Variants in XKR4 observed in about 807,000 individuals in gnomAD.
The protein encoded by XKR4 is XK-related protein 4.
XKR4 carries 12 observed loss-of-function variants against 53.9 expected under a neutral mutation model. The ratio of observed to expected loss-of-function variants is 0.22; its 90% CI spans 0.14 to 0.36. XKR4 has a LOEUF of 0.36. XKR4 is among the 10% of genes least tolerant of loss of function. The pLI is 1.00. For missense variants in XKR4, 799 were observed against 859.5 expected, an observed-to-expected ratio of 0.93 and a Z score of 0.88; for synonymous variants, 354 against 362.4, an observed-to-expected ratio of 0.98 and a Z score of 0.26.
intron 1 of XKR4, among the ~76,000 whole-genome samples, chr8:55,242,963 T>C (rs1818231196): frequency 6.6e-6 from 1 of 152,224 alleles, no homozygotes; most frequent in East Asian, 1.9e-4. Context: ...ATAAAACTAA[T>C]ACCTGGGGGT....
chr8:55,219,569 A>G (rs1023982329), intron 1 of XKR4, among the ~76,000 whole-genome samples: 2 of 152,204 alleles, frequency 1.3e-5, no homozygotes, highest in African/African-American at 2.4e-5. Context: ...GTCTCTGCAT[A>G]ATGAATGATA....
rs1462559706 is a variant in XKR4, at chr8:55,525,388, A to G, written c.*1161A>G. 1.3e-5 allele frequency: 2 copies of G among 152,766 alleles called. No homozygotes were observed. The highest frequency in any genetic ancestry group is 3.9e-4 in the East Asian group (2 of 5,186). The allele number at this position is 152,766 out of a possible 1,614,324, so 9.5% of individuals were successfully genotyped here. On this transcript the variant is annotated 3_prime_UTR_variant, in exon 3 of 3. Coordinates refer to ENST00000327381, the MANE Select transcript of XKR4 (RefSeq NM_052898.2). ...TACAGACTTTTCCTCCCCCCAATCC[A>G]AGGTCAAAGTGATGTGTCTTTTAGA...
At chr8:55,451,736 A>T (rs1227570239) in intron 2 of XKR4, 5 of 1,224,828 alleles carry the variant, frequency 4.1e-6, no homozygotes, top group Middle Eastern at 1.9e-4. Flanking sequence ...ATGCGGAAGG[A>T]TTCAGACTTG....
chr8:55,198,012 A>G (rs1017090019), intron 1 of XKR4, among the ~76,000 whole-genome samples: 11 of 152,366 alleles, frequency 7.2e-5, no homozygotes, highest in Admixed American at 5.2e-4. Flanking sequence ...CTGGCCAAGT[A>G]AAATGTTTTA....
chr8:55,410,125 A>G (rs1804752661), intron 2 of XKR4, among the ~76,000 whole-genome samples: 1 of 151,816 alleles, frequency 6.6e-6, no homozygotes, highest in Non-Finnish European at 1.5e-5. Flanking sequence ...GGAAATGGTA[A>G]AAGTTCTCCC....
intron 2 of XKR4, among the ~76,000 whole-genome samples, chr8:55,370,067 A>AAACAACAAC (rs767644178): frequency 6.6e-6 from 1 of 152,100 alleles, no homozygotes; most frequent in Non-Finnish European, 1.5e-5. Flanking sequence ...TCTGTAGGAA[A>AAACAACAAC]AACAACAACA....
chr8:55,471,698 G>T (rs148147422), intron 2 of XKR4, among the ~76,000 whole-genome samples: 2 of 152,270 alleles, frequency 1.3e-5, no homozygotes, highest in East Asian at 3.9e-4. Context: ...GAGGTGATTG[G>T]ATCATGGGGC....
chr8:55,380,083 T>C (rs1804209066), intron 2 of XKR4, among the ~76,000 whole-genome samples: 2 of 152,232 alleles, frequency 1.3e-5, no homozygotes, highest in Admixed American at 6.5e-5. Flanking sequence ...CACAGTCCCG[T>C]GGCAAAGGGA....
intron 1 of XKR4, among the ~76,000 whole-genome samples, chr8:55,199,549 G>T (rs768352583): frequency 6.6e-6 from 1 of 152,160 alleles, no homozygotes; most frequent in Non-Finnish European, 1.5e-5. Flanking sequence ...TGCAGATGAG[G>T]GGGAACAGAG....
intron 2 of XKR4, among the ~76,000 whole-genome samples, chr8:55,513,357 T>C (rs1238862973): frequency 6.6e-6 from 1 of 152,144 alleles, no homozygotes; most frequent in East Asian, 1.9e-4. Context: ...CAAAGGCACC[T>C]TAGGGACATC....
chr8:55,385,971 T>C (rs1186075484), intron 2 of XKR4, among the ~76,000 whole-genome samples: 1 of 152,256 alleles, frequency 6.6e-6, no homozygotes, highest in African/African-American at 2.4e-5. Flanking sequence ...TTCATATGTA[T>C]AATTTTAAAA....
intron 1 of XKR4, among the ~76,000 whole-genome samples, chr8:55,130,760 G>A (rs1181302906): frequency 6.6e-6 from 1 of 151,974 alleles, no homozygotes; most frequent in African/African-American, 2.4e-5. Flanking sequence ...TGTGTGTGTG[G>A]ACATGACACA....
intron 1 of XKR4, among the ~76,000 whole-genome samples, chr8:55,174,317 A>G (rs1817202000): frequency 6.6e-6 from 1 of 152,172 alleles, no homozygotes; most frequent in Non-Finnish European, 1.5e-5. Context: ...TTCTATTTAG[A>G]GTAAAAGCAG....
rs1414510536 is a variant in XKR4, at chr8:55,532,162, T to TTGAA, written c.*7936_*7937insGAAT. On this transcript the variant is annotated 3_prime_UTR_variant, in exon 3 of 3. Coordinates refer to ENST00000327381, the MANE Select transcript of XKR4 (RefSeq NM_052898.2). ...AAAAGAGAGAAGAAAGTATATTAACTTTTATGAGTACAGAATAATTCAAGT... is the reference window on the plus strand; with the variant it reads ...AAAAGAGAGAAGAAAGTATATTAACTTGAATTTATGAGTACAGAATAATTCAAGT... The TTGAA allele has an allele frequency of 6.6e-6, 1 of 152,202 alleles. No individual in the cohort carries two copies. Among genetic ancestry groups the TTGAA allele is most frequent in the Non-Finnish European group, 1.5e-5 (1 of 68,038 alleles). The allele number at this position is 152,202 out of a possible 1,614,324, so 9.4% of individuals were successfully genotyped here.
At chr8:55,429,285 T>C (rs978040872) in intron 2 of XKR4, among the ~76,000 whole-genome samples, 4 of 152,082 alleles carry the variant, frequency 2.6e-5, no homozygotes, top group Non-Finnish European at 2.9e-5. Flanking sequence ...TCAAAATGGA[T>C]AACAGACTTC....
chr8:55,270,940 A>G (rs939661918), intron 1 of XKR4, among the ~76,000 whole-genome samples: 2 of 152,068 alleles, frequency 1.3e-5, no homozygotes, highest in African/African-American at 4.8e-5. Flanking sequence ...GAGCTGCAAT[A>G]CTTCAACTCA....
At chr8:55,469,338 T>C (rs1805837288) in intron 2 of XKR4, among the ~76,000 whole-genome samples, 1 of 152,140 alleles carries the variant, frequency 6.6e-6, no homozygotes, top group South Asian at 2.1e-4. Flanking sequence ...TCAGTCTGGC[T>C]TTTCACACTT....
At chr8:55,292,374 G>A (rs1345426752) in intron 1 of XKR4, among the ~76,000 whole-genome samples, 3 of 152,042 alleles carry the variant, frequency 2.0e-5, no homozygotes, top group African/African-American at 4.8e-5. Flanking sequence ...TCATATGGGT[G>A]AGTTATAGTG....
At chr8:55,176,237 T>A (rs899191933) in intron 1 of XKR4, among the ~76,000 whole-genome samples, 1 of 152,238 alleles carries the variant, frequency 6.6e-6, no homozygotes, top group African/African-American at 2.4e-5. Context: ...TTGAGAAGTA[T>A]GTATTCTATA....
Sources: gnomAD v4.1 joint callset for allele counts (sites outside exome capture counted in the v4.1 genomes callset) on GRCh38, gnomAD v4.1.1 for gene constraint, MANE v1.5 for transcripts, NCBI Gene and HGNC (gene_info 2026-07-23, HGNC 2026-07-21) for gene names.